FKTN: variants seen among roughly 807,000 people sequenced by gnomAD.
FKTN encodes fukutin, also known as ribitol-5-phosphate transferase FKTN.
FKTN carries 47 observed loss-of-function variants against 58.6 expected under a neutral mutation model. That is an observed-to-expected ratio of 0.80 (90% confidence interval 0.63 to 1.02). FKTN has a LOEUF of 1.02. Among genes scored for constraint, FKTN ranks in the 50% least tolerant of loss-of-function variants. The pLI is 0.00. For missense variants in FKTN, 516 were observed against 537.3 expected, an observed-to-expected ratio of 0.96 and a Z score of 0.39; for synonymous variants, 178 against 191.9, an observed-to-expected ratio of 0.93 and a Z score of 0.60.
chr9:105,608,094 G>T (rs1293537805), intron 7 of FKTN, 143 bp downstream of exon 7: 12 of 691,800 alleles, frequency 1.7e-5, no homozygotes, highest in Non-Finnish European at 2.4e-5. Flanking sequence ...CTTCTAGATT[G>T]TTTTCTTTCA....
At chr9:105,561,844 C>A (rs969025128) in intron 1 of FKTN, among the ~76,000 whole-genome samples, 1 of 151,914 alleles carries the variant, frequency 6.6e-6, no homozygotes. Flanking sequence ...ATAAGAAAGA[C>A]CAACAGTATT....
intron 3 of FKTN, among the ~76,000 whole-genome samples, chr9:105,589,501 C>CA (rs981990158): frequency 1.5e-4 from 19 of 128,120 alleles, no homozygotes; most frequent in South Asian, 5.5e-4. Context: ...GACTCCATCT[C>CA]AAAAAAAAAC....
At chr9:105,634,729 A>G (rs1833879864) in intron 10 of FKTN, among the ~76,000 whole-genome samples, 2 of 152,176 alleles carry the variant, frequency 1.3e-5, no homozygotes, top group South Asian at 4.1e-4. Context: ...TCTTTCCTCT[A>G]CAGTTCCAAC....
Position 105,638,259 on chromosome 9 carries a change from T to C in FKTN, c.*2995T>C, listed in dbSNP as rs77017417. Reference sequence around the variant, plus strand: ...AACAGAGAAGGCATCCAGTGCTTCATTGAGGCTAAGTCTCAGGGTGTTTCT... The same window carrying C: ...AACAGAGAAGGCATCCAGTGCTTCACTGAGGCTAAGTCTCAGGGTGTTTCT... On this transcript the variant is annotated 3_prime_UTR_variant, in exon 11 of 11. Transcript: ENST00000357998. The C allele has an allele frequency of 3.9e-5, 38 of 985,270 alleles. No homozygotes were observed. In the East Asian group the frequency reaches 4.5e-4, roughly 12 times the overall value. 61.0% of individuals were successfully genotyped at this position (985,270 alleles called of 1,614,324 possible). A position where few individuals can be genotyped will look rare whatever the true frequency, so the allele number is the denominator to read the frequency against.
intron 8 of FKTN, among the ~76,000 whole-genome samples, chr9:105,616,901 C>T (rs529140616): frequency 2.4e-4 from 36 of 149,952 alleles, no homozygotes; most frequent in Non-Finnish European, 3.8e-4. Flanking sequence ...AAAAGTACAT[C>T]TCACACATTT....
intron 3 of FKTN, among the ~76,000 whole-genome samples, chr9:105,584,410 T>C (rs189318936): frequency 4.0e-4 from 61 of 152,266 alleles, no homozygotes; most frequent in Non-Finnish European, 7.4e-5. Flanking sequence ...TTATATACCA[T>C]TAATTTTGTA....
At chr9:105,618,164 G>C (rs1286139746) in intron 9 of FKTN, 72 bp downstream of exon 9, 27 of 1,246,230 alleles carry the variant, frequency 2.2e-5, no homozygotes, top group Non-Finnish European at 3.0e-5. Flanking sequence ...AAGCAACTCA[G>C]ATATGGTTAA....
At chr9:105,589,743 G>A (rs1192761514) in intron 3 of FKTN, among the ~76,000 whole-genome samples, 1 of 152,096 alleles carries the variant, frequency 6.6e-6, no homozygotes, top group African/African-American at 2.4e-5. Context: ...AGGATAGAAA[G>A]GTCATTACAA....
chr9:105,572,113 G>T (rs910707769), intron 1 of FKTN, among the ~76,000 whole-genome samples: 1 of 151,886 alleles, frequency 6.6e-6, no homozygotes, highest in Admixed American at 6.6e-5. Flanking sequence ...TCACAGTTTT[G>T]GGAGATACAA....
chr9:105,635,661 G>T lies in FKTN; in HGVS notation c.*397G>T. 1 of 1,103,050 alleles carries T rather than the reference G, an allele frequency of 9.1e-7. No individual in the cohort carries two copies. The highest frequency in any genetic ancestry group is 1.1e-6 in the Non-Finnish European group (1 of 902,380). The allele number at this position is 1,103,050 out of a possible 1,614,324, so 68.3% of individuals were successfully genotyped here. A position where few individuals can be genotyped will look rare whatever the true frequency, so the allele number is the denominator to read the frequency against. Reference sequence around the variant, plus strand: ...GGCAAAGCTAAGGAAGGATATACTAGTTGAAAAGAATAACCCACTCCTCTT... The same window carrying T: ...GGCAAAGCTAAGGAAGGATATACTATTTGAAAAGAATAACCCACTCCTCTT... On this transcript the variant is annotated 3_prime_UTR_variant, in exon 11 of 11. Transcript: ENST00000357998.
chr9:105,604,616 A>C, intron 6 of FKTN, 124 bp downstream of exon 6: 1 of 791,190 alleles, frequency 1.3e-6, no homozygotes, highest in Non-Finnish European at 2.0e-6. Flanking sequence ...CAGTAACATT[A>C]TTCTTAATGA....
In FKTN at chr9:105,604,453, G is replaced by A. The variant is rs34787999; in HGVS notation, c.608G>A (p.Arg203Gln). The change falls in exon 6 of 11, where the codon CGA (arginine) becomes CAA (glutamine). Residue 203 changes from arginine to glutamine, a missense_variant. Coordinates refer to ENST00000357998, the MANE Select transcript of FKTN (RefSeq NM_001079802.2). ...ATTGACAGGAAATTTGTTCCCTTCCGAAAGTTACAGTTTGGTCGTTATCCA... is the reference window on the plus strand; with the variant it reads ...ATTGACAGGAAATTTGTTCCCTTCCAAAAGTTACAGTTTGGTCGTTATCCA... ...EHIDRKFVPF[R>Q]KLQFGRYPGA... The A allele has an allele frequency of 0.28, 459,487 of 1,613,054 alleles. 69,707 individuals carry two copies. Among genetic ancestry groups the A allele is most frequent in the Non-Finnish European group, 0.32 (372,913 of 1,179,132 alleles).
chr9:105,599,365 T>C (rs1348509886), intron 4 of FKTN, among the ~76,000 whole-genome samples: 1 of 152,140 alleles, frequency 6.6e-6, no homozygotes, highest in Non-Finnish European at 1.5e-5. Flanking sequence ...TTTTTATCTT[T>C]TTTTAGTTAC....
chr9:105,625,012 T>G (rs1290999008), intron 10 of FKTN, among the ~76,000 whole-genome samples: 1 of 152,192 alleles, frequency 6.6e-6, no homozygotes. Flanking sequence ...AGTTACCTGA[T>G]TCAGTGCTTG....
intron 7 of FKTN, among the ~76,000 whole-genome samples, chr9:105,613,928 G>C (rs1830367134): frequency 6.6e-6 from 1 of 152,206 alleles, no homozygotes; most frequent in South Asian, 2.1e-4. Context: ...TTGGAGCTGA[G>C]ACTTGAAAGA....
intron 7 of FKTN, among the ~76,000 whole-genome samples, chr9:105,609,245 A>G (rs1564304614): frequency 6.6e-6 from 1 of 152,164 alleles, no homozygotes; most frequent in Non-Finnish European, 1.5e-5. Flanking sequence ...CAATAAATTA[A>G]TCTAATAGAC....
Position 105,622,204 on chromosome 9 carries a change from C to A in FKTN, c.1172+2143C>A, listed in dbSNP as rs148712824. On this transcript the variant is annotated intron_variant, in intron 10 of 10. Transcript: ENST00000357998. ...TTGGGAGCACATTAGAATTACTGTTCAAACTAGTCAGTATAATGTATCATC... is the reference window on the plus strand; with the variant it reads ...TTGGGAGCACATTAGAATTACTGTTAAAACTAGTCAGTATAATGTATCATC... 2.2e-3 allele frequency among the ~76,000 whole-genome samples: 339 copies of A among 152,120 alleles called. 2 individuals carry two copies. Among genetic ancestry groups the A allele is most frequent in the African/African-American group, 7.8e-3 (323 of 41,540 alleles).
chr9:105,598,570 T>C (rs971014861), intron 4 of FKTN: 2 of 152,366 alleles, frequency 1.3e-5, no homozygotes, highest in Non-Finnish European at 1.5e-5. Flanking sequence ...TTCAGTCTTA[T>C]AAACAAAATG....
intron 10 of FKTN, among the ~76,000 whole-genome samples, chr9:105,621,694 T>C (rs1227409279): frequency 2.0e-5 from 3 of 152,114 alleles, no homozygotes; most frequent in African/African-American, 7.2e-5. Flanking sequence ...TATTACACAC[T>C]GTCTGTATGT....
Sources: allele counts gnomAD v4.1 joint callset (sites outside exome capture counted in the v4.1 genomes callset), GRCh38; gene constraint gnomAD v4.1.1; transcripts MANE v1.5; gene names NCBI Gene and HGNC (gene_info 2026-07-23, HGNC 2026-07-21).